The following SPG11 variants were observed in gnomAD, a reference collection of about 807,000 sequenced individuals.
SPG11 encodes the protein SPG11 vesicle trafficking associated, spatacsin.
A neutral mutation model predicts 274.0 loss-of-function variants in SPG11; 222 were observed. The ratio of observed to expected loss-of-function variants is 0.81; its 90% CI spans 0.73 to 0.91. The LOEUF (loss-of-function observed/expected upper bound fraction) is 0.91, where lower values mean the gene tolerates loss of function less well. SPG11 is among the 40% of genes least tolerant of loss of function. The probability of loss-of-function intolerance (pLI) is 0.00; values close to 1 mark genes in which losing one functional copy is unlikely to be tolerated. For missense variants in SPG11, 3,114 were observed against 2,872.7 expected, an observed-to-expected ratio of 1.08 and a Z score of -1.92; for synonymous variants, 1,144 against 1,039.7, an observed-to-expected ratio of 1.10 and a Z score of -1.93.
chr15:44,566,769 G>GC (rs2082317235), intron 36 of SPG11, among the ~76,000 whole-genome samples: 1 of 152,110 alleles, frequency 6.6e-6, no homozygotes, highest in East Asian at 1.9e-4. Context: ...GCGCGATCTT[G>GC]GCTCACTGCA....
chr15:44,592,400 C>G lies in SPG11; in HGVS notation c.4674G>C (p.Leu1558=), dbSNP rs376125033. The G allele has an allele frequency of 8.1e-6, 13 of 1,611,114 alleles. No individual in the cohort carries two copies. Among genetic ancestry groups the G allele is most frequent in the Middle Eastern group, 1.7e-4 (1 of 6,052 alleles). Residue 1558 remains leucine, a synonymous_variant, in exon 27 of 40, where the codon CTG becomes CTC. Coordinates refer to ENST00000261866, the MANE Select transcript of SPG11 (RefSeq NM_025137.4). ...CTTTATAATTCCTGAAGAACATACACAGTTCATACATCTCCATCACCAGTA... is the reference window on the plus strand; with the variant it reads ...CTTTATAATTCCTGAAGAACATACAGAGTTCATACATCTCCATCACCAGTA... ...PLLLVMEMYE[L]CMFFRNYKEA... is the part of the protein sequence containing the mutation.
chr15:44,598,455 G>A, intron 22 of SPG11, 82 bp from the exon 23 acceptor site: 1 of 1,365,530 alleles, frequency 7.3e-7, no homozygotes, highest in African/African-American at 1.4e-5. Flanking sequence ...TGTGGCTCAG[G>A]GCCATTTCAG....
intron 6 of SPG11, among the ~76,000 whole-genome samples, chr15:44,650,194 G>C (rs1214042850): frequency 6.6e-6 from 1 of 152,122 alleles, no homozygotes. Context: ...AGCAGGTAGT[G>C]AGAAAAGTGC....
chr15:44,617,850 A>AT (rs1210069465), intron 15 of SPG11, among the ~76,000 whole-genome samples: 1 of 151,740 alleles, frequency 6.6e-6, no homozygotes, highest in Non-Finnish European at 1.5e-5. Flanking sequence ...TAATTTTTGT[A>AT]TTTTTAGTAG....
chr15:44,651,232 T>C lies in SPG11; in HGVS notation c.1456+259A>G, dbSNP rs77749707. On this transcript the variant is annotated intron_variant, in intron 6 of 39. Transcript: ENST00000261866. Reference sequence around the variant, plus strand: ...GCTTGTGAAGTCAAATGAAGACTCTTTGGGTTAAAAATAATAATAATAATA... The same window carrying C: ...GCTTGTGAAGTCAAATGAAGACTCTCTGGGTTAAAAATAATAATAATAATA... Among the ~76,000 whole-genome samples, 561 of 152,262 alleles carry C rather than the reference T, an allele frequency of 3.7e-3. 2 individuals are homozygous for C. The highest frequency in any genetic ancestry group is 0.013 in the African/African-American group (537 of 41,548).
intron 24 of SPG11, 22 bp downstream of exon 24, chr15:44,596,762 C>G (rs2083053478): frequency 6.8e-7 from 1 of 1,460,596 alleles, no homozygotes. Flanking sequence ...TTTTGAGTGA[C>G]TGCTAACAAT....
rs1567123451 is a variant in SPG11 at position 44,563,286 on chromosome 15, CTGA to C, written c.7164_7166del (p.His2388del). On this transcript the variant is annotated inframe_deletion, in exon 40 of 40. Transcript: ENST00000261866. ...GGTTTTCCATGACCATGTCAGTAGG[CTGA>C]TGTTGTTTATATCTAGATAAAGAAA... 6.2e-7 allele frequency: 1 copy of C among 1,613,416 alleles called. No homozygotes were observed. Among genetic ancestry groups the C allele is most frequent in the Non-Finnish European group, 8.5e-7 (1 of 1,179,456 alleles).
intron 30 of SPG11, among the ~76,000 whole-genome samples, chr15:44,579,471 G>A (rs1364964012): frequency 6.9e-6 from 1 of 145,434 alleles, no homozygotes; most frequent in Non-Finnish European, 1.5e-5. Flanking sequence ...AGGCTGCAGT[G>A]AGCCGAGGTC....
chr15:44,600,668 T>C (rs1228526409), intron 20 of SPG11, 36 bp from the exon 21 acceptor site: 1 of 1,600,618 alleles, frequency 6.2e-7, no homozygotes, highest in Admixed American at 1.7e-5. Flanking sequence ...ATTATCTGTA[T>C]ATCACCATAA....
At chr15:44,659,392 AAAAC>A in intron 2 of SPG11, 89 bp from the exon 3 acceptor site, 2 of 1,205,036 alleles carry the variant, frequency 1.7e-6, no homozygotes, top group Non-Finnish European at 2.4e-6. Flanking sequence ...ACAAAAAAGT[AAAAC>A]AAAAAAGGAA....
At chr15:44,657,020 A>T (rs2084959496) in intron 4 of SPG11, 75 bp downstream of exon 4, 2 of 1,318,102 alleles carry the variant, frequency 1.5e-6, no homozygotes, top group South Asian at 2.7e-5. Context: ...AAAAAAAAAA[A>T]CTAACGAGGA....
chr15:44,648,526 A>AT (rs2084670004), intron 7 of SPG11, among the ~76,000 whole-genome samples: 1 of 151,890 alleles, frequency 6.6e-6, no homozygotes, highest in Non-Finnish European at 1.5e-5. Flanking sequence ...AAAAAAAAAA[A>AT]AAAAAAAGTA....
At position 44,570,685 on chromosome 15, in the gene SPG11, A is replaced by C. The variant is rs779857193; in HGVS notation, c.6344-27T>G. The C allele has an allele frequency of 6.8e-6, 11 of 1,611,246 alleles. No homozygotes were observed. In the Admixed American group the frequency reaches 1.2e-4, roughly 17 times the overall value. ...TGGGAGGGTGGGCACTGGTAAGATA[A>C]GATTATGAACCCTGGCTGCCCACTG... On this transcript the variant is annotated intron_variant, in intron 33 of 39. Coordinates refer to ENST00000261866, the MANE Select transcript of SPG11 (RefSeq NM_025137.4).
intron 7 of SPG11, among the ~76,000 whole-genome samples, chr15:44,634,826 C>T (rs536848582): frequency 9.9e-5 from 15 of 152,138 alleles, no homozygotes; most frequent in East Asian, 1.9e-4. Context: ...AGGATCCTCC[C>T]GCCTAGGCCT....
At position 44,596,178 on chromosome 15, in the gene SPG11, G is replaced by A; in HGVS notation, c.4339C>T (p.Gln1447Ter). ...CAGGAGTCTGGCTCCTCTGAGCATT[G>A]GAGCAGAATTTCAAATAAATCGGTC... ...EMTDLFEILL[Q>*]CSEEPDSWHW... Residue 1447 changes from glutamine (Q) to a stop codon, truncating the protein, a stop_gained, in exon 25 of 40, where the codon CAA (glutamine) becomes TAA (stop). Transcript: ENST00000261866. LOFTEE classifies it high-confidence loss of function. The A allele has an allele frequency of 6.2e-7, 1 of 1,614,142 alleles. No homozygotes were observed. The highest frequency in any genetic ancestry group is 8.5e-7 in the Non-Finnish European group (1 of 1,180,026).
Position 44,615,567 on chromosome 15 carries a change from C to G in SPG11, c.2835-1G>C. 6.2e-7 allele frequency: 1 copy of G among 1,613,778 alleles called. No individual in the cohort carries two copies. Among genetic ancestry groups the G allele is most frequent in the Non-Finnish European group, 8.5e-7 (1 of 1,179,910 alleles). On this transcript the variant is annotated splice_acceptor_variant, in intron 15 of 39. Transcript: ENST00000261866. LOFTEE classifies it high-confidence loss of function. ...TTCAGATGCCAAAAAAACCCCATTC[C>G]TATGGACAGATTTATAGGATGTCAA...
chr15:44,656,170 A>G (rs564297416), intron 4 of SPG11, among the ~76,000 whole-genome samples: 1 of 152,306 alleles, frequency 6.6e-6, no homozygotes, highest in East Asian at 1.9e-4. Flanking sequence ...GAAGGTTTAA[A>G]AATACAGTTG....
intron 19 of SPG11, among the ~76,000 whole-genome samples, chr15:44,608,052 G>A (rs2083366771): frequency 6.6e-6 from 1 of 152,110 alleles, no homozygotes; most frequent in Admixed American, 6.6e-5. Context: ...AGACACTGTG[G>A]GAGACTAAAG....
At chr15:44,582,857 G>A (rs1179523177) in intron 30 of SPG11, among the ~76,000 whole-genome samples, 1 of 151,978 alleles carries the variant, frequency 6.6e-6, no homozygotes, top group East Asian at 1.9e-4. Context: ...ACCAGGAACA[G>A]AAGGGAACTT....
Sources: gnomAD v4.1 joint callset for allele counts (sites outside exome capture counted in the v4.1 genomes callset) on GRCh38, gnomAD v4.1.1 for gene constraint, MANE v1.5 for transcripts, NCBI Gene and HGNC (gene_info 2026-07-23, HGNC 2026-07-21) for gene names.